MYO16: variants seen among roughly 807,000 people sequenced by gnomAD.
MYO16 encodes unconventional myosin-XVI.
Under a neutral mutation model 205.3 loss-of-function variants are expected in MYO16, and 94 were observed. The observed-to-expected ratio is 0.46, with a 90% confidence interval of 0.39 to 0.54. The LOEUF (loss-of-function observed/expected upper bound fraction) is 0.54, where lower values mean the gene tolerates loss of function less well. Ranked by LOEUF, MYO16 falls within the 20% of genes least tolerant of loss-of-function variation. MYO16 has a pLI of 0.00. For missense variants in MYO16, 2,315 were observed against 2,387.5 expected (o/e 0.97, Z 0.63); for synonymous variants, 988 against 954.0 (o/e 1.04, Z -0.66).
the MYO16 span, among the ~76,000 whole-genome samples, chr13:108,587,372 G>A: frequency 1.5e-3 from 233 of 152,194 alleles, 1 homozygote; most frequent in African/African-American, 5.2e-3. Context: ...TTTAAGGCTA[G>A]GAGTGTCAAT....
intron 32 of MYO16, among the ~76,000 whole-genome samples, chr13:109,158,083 T>C (rs1403134705): frequency 6.6e-6 from 1 of 152,140 alleles, no homozygotes; most frequent in Non-Finnish European, 1.5e-5. Context: ...TTGCTCATGG[T>C]CCACCCCTCT....
At chr13:109,101,265 C>T (rs1176484498) in intron 28 of MYO16, 1 of 164,630 alleles carries the variant, frequency 6.1e-6, no homozygotes, top group East Asian at 1.6e-4. Flanking sequence ...GAGTTGGTCT[C>T]TCATAAGTGC....
At chr13:108,798,486 T>G (rs914808500) in intron 6 of MYO16, among the ~76,000 whole-genome samples, 2 of 152,114 alleles carry the variant, frequency 1.3e-5, no homozygotes, top group Non-Finnish European at 2.9e-5. Flanking sequence ...ATTATCTTCT[T>G]GTTAAATAGG....
chr13:109,095,920 T>C (rs962373570), intron 27 of MYO16, among the ~76,000 whole-genome samples: 6 of 152,286 alleles, frequency 3.9e-5, no homozygotes, highest in Non-Finnish European at 8.8e-5. Context: ...ACTTTTTCAG[T>C]TTTTAAGGGT....
rs1012267534 is a variant in MYO16, at chr13:109,125,901, C to T, written c.3782+543C>T. On this transcript the variant is annotated intron_variant, in intron 30 of 34. Coordinates refer to ENST00000457511, the MANE Select transcript of MYO16 (RefSeq NM_001198950.3). The surrounding 1 kb of genome is among the most constrained non-coding windows in gnomAD (Gnocchi z 4.0). ...GGAAAGCTTTGTATTTAAAAGTTCA[C>T]TTTAGAGGCTTAGCTTAAAACAGAA... is the stretch of plus-strand genomic sequence containing the variant. Among the ~76,000 whole-genome samples, 7 of 152,190 alleles carry T rather than the reference C, an allele frequency of 4.6e-5. No individual in the cohort carries two copies. Among genetic ancestry groups the T allele is most frequent in the Admixed American group, 4.6e-4 (7 of 15,280 alleles).
upstream of MYO16, among the ~76,000 whole-genome samples, chr13:108,594,880 C>T (rs548497473): frequency 1.1e-4 from 17 of 152,278 alleles, no homozygotes; most frequent in African/African-American, 3.9e-4. Flanking sequence ...CAGCAGCACT[C>T]TTCTAAACAG....
chr13:109,140,680 G>A lies in MYO16; in HGVS notation c.4468G>A (p.Ala1490Thr). Residue 1490 changes from alanine (A) to threonine (T), a missense_variant, in exon 32 of 35, where the codon GCG becomes ACG. Around this residue, in one of 3 missense-constraint regions of MYO16, gnomAD observed 1,097 missense variants for 1,092.0 expected, o/e 1.00. Transcript: ENST00000457511. The surrounding 1 kb of genome is among the most constrained non-coding windows in gnomAD (Gnocchi z 8.0). The stretch of plus-strand genomic sequence containing the variant: ...GCTCCACCGCGCGCCGGAGGACGAG[G>A]CGGCGGGGCCCCCAGGGGACGCGTG... The part of the protein sequence containing the change: ...PLLHRAPEDE[A>T]AGPPGDACDI... 1 of 1,483,852 alleles carries A rather than the reference G, an allele frequency of 6.7e-7. No homozygotes were observed. The allele number at this position is 1,483,852 out of a possible 1,614,324, so 91.9% of individuals were successfully genotyped here.
chr13:108,557,036 C>T, the MYO16 span, among the ~76,000 whole-genome samples: 5 of 152,122 alleles, frequency 3.3e-5, no homozygotes, highest in East Asian at 5.8e-4. Context: ...TTACCATAGC[C>T]GCCTATTATT....
At chr13:108,663,618 C>T (rs763105702) in intron 1 of MYO16, among the ~76,000 whole-genome samples, 3 of 152,150 alleles carry the variant, frequency 2.0e-5, no homozygotes, top group Non-Finnish European at 2.9e-5. Flanking sequence ...GAGCCACCCT[C>T]TACATTCCCT....
chr13:109,188,107 T>A lies in MYO16; in HGVS notation c.5415+8474T>A, dbSNP rs187449384. On this transcript the variant is annotated intron_variant, in intron 34 of 34. Coordinates refer to ENST00000457511, the MANE Select transcript of MYO16 (RefSeq NM_001198950.3). ...TCATTATACAATTTCATTTTTTATT[T>A]GTATTTCTTTGTCTTAAGTCTACTT... Among the ~76,000 whole-genome samples, 207 of 152,358 alleles carry A rather than the reference T, an allele frequency of 1.4e-3. 2 individuals carry two copies. The highest frequency in any genetic ancestry group is 4.6e-3 in the African/African-American group (193 of 41,592).
chr13:108,826,094 A>G (rs1170937736), intron 9 of MYO16, among the ~76,000 whole-genome samples: 3 of 152,098 alleles, frequency 2.0e-5, no homozygotes, highest in Admixed American at 2.0e-4. Flanking sequence ...TCACATAACA[A>G]TTCAAGGACC....
intron 27 of MYO16, among the ~76,000 whole-genome samples, chr13:109,065,277 C>G (rs1376106786): frequency 1.3e-5 from 2 of 152,110 alleles, no homozygotes; most frequent in Admixed American, 6.6e-5. Context: ...TGAAACCAAC[C>G]CAGATATGTT....
Position 109,052,375 on chromosome 13 carries a change from C to G in MYO16, c.2948C>G (p.Pro983Arg), listed in dbSNP as rs747661522. ...SQTGSLVSAYPSFKFRGHKSA... is the reference protein window; with the variant it reads ...SQTGSLVSAYRSFKFRGHKSA... ...ACAGGATCCCTCGTATCTGCCTATCCTTCCTTTAAATTCCGAGGACATAAG... is the reference window on the plus strand; with the variant it reads ...ACAGGATCCCTCGTATCTGCCTATCGTTCCTTTAAATTCCGAGGACATAAG... The change falls in exon 25 of 35, where the codon CCT becomes CGT. Residue 983 changes from proline to arginine, a missense_variant. By Grantham distance (103) the Pro-to-Arg change is moderately radical (BLOSUM62 -2). Coordinates refer to ENST00000457511, the MANE Select transcript of MYO16 (RefSeq NM_001198950.3). 1.2e-6 allele frequency: 2 copies of G among 1,612,668 alleles called. No homozygotes were observed. The highest frequency in any genetic ancestry group is 8.5e-7 in the Non-Finnish European group (1 of 1,178,940).
intron 1 of MYO16, among the ~76,000 whole-genome samples, chr13:108,619,719 T>G (rs78467816): frequency 0.038 from 5,726 of 152,192 alleles, 339 homozygotes; most frequent in African/African-American, 0.13. Flanking sequence ...TATTTTCTAC[T>G]CATTTTACAC....
At chr13:109,005,572 A>C (rs1379188313) in intron 21 of MYO16, among the ~76,000 whole-genome samples, 1 of 152,160 alleles carries the variant, frequency 6.6e-6, no homozygotes, top group East Asian at 1.9e-4. Flanking sequence ...TCATCATTAA[A>C]ATAACTCCAT....
rs139848765 is a variant in MYO16, at chr13:109,206,723, G to A, written c.5530G>A (p.Ala1844Thr). The change falls in exon 35 of 35, where the codon GCT (alanine) becomes ACT (threonine). Residue 1844 changes from alanine (A) to threonine (T), a missense_variant. Transcript: ENST00000457511. ...AGACTGGCAGCAGATCCTGCACCAC[G>A]CTGAGCCCAGGGTGCCTCCCCCACC... The part of the protein sequence containing the change: ...GQDWQQILHH[A>T]EPRVPPPPPC... The A allele has an allele frequency of 1.8e-3, 2,831 of 1,614,150 alleles. 6 individuals carry two copies. Among genetic ancestry groups the A allele is most frequent in the Non-Finnish European group, 2.2e-3 (2,583 of 1,180,010 alleles).
intron 3 of MYO16, 117 bp downstream of exon 3, chr13:108,712,848 G>A: frequency 2.8e-6 from 2 of 718,708 alleles, no homozygotes; most frequent in Non-Finnish European, 4.4e-6. Flanking sequence ...AAGATGATGT[G>A]TTTCTAATTA....
rs142702151 is a variant in MYO16, at chr13:109,050,569, A to G, written c.2873-1731A>G. Among the ~76,000 whole-genome samples the G allele has an allele frequency of 1.8e-4, 28 of 152,230 alleles. No individual in the cohort carries two copies. In the East Asian group the frequency reaches 4.6e-3, roughly 25 times the overall value. On this transcript the variant is annotated intron_variant, in intron 24 of 34. Transcript: ENST00000457511. ...ATGTAAATATTCTGTTCCTCATCAA[A>G]CTTTTACCCATTAGTTTTACATGCG...
At chr13:108,845,416 A>C (rs1251624012) in intron 10 of MYO16, among the ~76,000 whole-genome samples, 1 of 152,148 alleles carries the variant, frequency 6.6e-6, no homozygotes, top group East Asian at 1.9e-4. Context: ...GTCAAGGTGC[A>C]GGTTGACTGA....
Sources: gnomAD v4.1 joint callset for allele counts (sites outside exome capture counted in the v4.1 genomes callset) on GRCh38, gnomAD v4.1.1 for gene constraint, gnomAD v4.1.1 regional missense constraint, Gnocchi (gnomAD v3.1) non-coding constraint, MANE v1.5 for transcripts, NCBI Gene and HGNC (gene_info 2026-07-23, HGNC 2026-07-21) for gene names.